The following CHSY3 variants were observed in gnomAD, a reference collection of about 807,000 sequenced individuals.
The protein encoded by CHSY3 is N-acetylgalactosaminyl-proteoglycan 3-beta-glucuronosyltransferase 3.
Under a neutral mutation model 67.2 loss-of-function variants are expected in CHSY3, and 35 were observed. That is an observed-to-expected ratio of 0.52 (90% CI 0.40 to 0.69). The LOEUF is 0.69. Among genes scored for constraint, CHSY3 ranks in the 30% least tolerant of loss-of-function variants. The pLI, the probability that CHSY3 is intolerant of heterozygous loss-of-function variation, is 0.00. For missense variants in CHSY3, 1,069 were observed against 1,138.5 expected, an observed-to-expected ratio of 0.94 and a Z score of 0.88; for synonymous variants, 474 against 434.7, an observed-to-expected ratio of 1.09 and a Z score of -1.12.
intron 2 of CHSY3, among the ~76,000 whole-genome samples, chr5:130,155,724 T>C (rs995673690): frequency 6.6e-6 from 1 of 152,210 alleles, no homozygotes; most frequent in Non-Finnish European, 1.5e-5. Flanking sequence ...GATCCTAAGC[T>C]GGACGAGTCG....
At chr5:130,035,988 T>C (rs917681078) in intron 2 of CHSY3, among the ~76,000 whole-genome samples, 1 of 150,074 alleles carries the variant, frequency 6.7e-6, no homozygotes, top group Admixed American at 6.7e-5. Context: ...TAAAAAGATG[T>C]ACATTCTAAA....
chr5:130,087,537 A>G (rs1766693575), intron 2 of CHSY3, among the ~76,000 whole-genome samples: 1 of 151,504 alleles, frequency 6.6e-6, no homozygotes, highest in Admixed American at 6.6e-5. Flanking sequence ...TACAAAATCA[A>G]TGTACAAAAA....
At chr5:129,955,355 A>T (rs2149603846) in intron 2 of CHSY3, among the ~76,000 whole-genome samples, 1 of 152,092 alleles carries the variant, frequency 6.6e-6, no homozygotes, top group African/African-American at 2.4e-5. Context: ...ACTCTCACCA[A>T]GTGATCTGCA....
intron 2 of CHSY3, among the ~76,000 whole-genome samples, chr5:130,111,418 A>G (rs1412204335): frequency 1.3e-5 from 2 of 152,102 alleles, no homozygotes; most frequent in Non-Finnish European, 2.9e-5. Context: ...CAGATTCATT[A>G]AAATCTAGCT....
chr5:129,977,864 G>T (rs1390441419), intron 2 of CHSY3, among the ~76,000 whole-genome samples: 2 of 102,290 alleles, frequency 2.0e-5, no homozygotes, highest in African/African-American at 6.5e-5. Flanking sequence ...ATAAATATAA[G>T]AAGTAAAAAA....
At chr5:130,162,803 G>T (rs1027632914) in intron 2 of CHSY3, among the ~76,000 whole-genome samples, 6 of 152,178 alleles carry the variant, frequency 3.9e-5, no homozygotes, top group African/African-American at 1.2e-4. Context: ...AATCTTGAAG[G>T]ATGGTAGAAA....
At chr5:130,178,250 TA>T (rs1389407732) in intron 2 of CHSY3, among the ~76,000 whole-genome samples, 1,952 of 76,164 alleles carry the variant, frequency 0.026, 23 homozygotes, top group Non-Finnish European at 0.032. Context: ...TATATATATA[TA>T]TATTTTTTTT....
intron 2 of CHSY3, chr5:130,002,083 A>G (rs1763742731): frequency 2.1e-6 from 2 of 951,588 alleles, no homozygotes; most frequent in African/African-American, 3.6e-5. Flanking sequence ...TGTTGCCTAT[A>G]AACAAAGGTG....
At chr5:129,916,940 C>G (rs190437340) in intron 2 of CHSY3, among the ~76,000 whole-genome samples, 1 of 152,180 alleles carries the variant, frequency 6.6e-6, no homozygotes, top group East Asian at 1.9e-4. Context: ...TGGTACCTCT[C>G]TCAGAACTAG....
intron 2 of CHSY3, among the ~76,000 whole-genome samples, chr5:130,014,243 G>T (rs541011878): frequency 6.6e-6 from 1 of 152,140 alleles, no homozygotes; most frequent in Non-Finnish European, 1.5e-5. Flanking sequence ...TCCAATGCCT[G>T]CTTGTTACCC....
chr5:130,004,080 T>C (rs1763807421), intron 2 of CHSY3, among the ~76,000 whole-genome samples: 1 of 152,224 alleles, frequency 6.6e-6, no homozygotes, highest in Admixed American at 6.5e-5. Context: ...ATTAGATATA[T>C]TTCAGGGTTT....
At chr5:130,014,951 A>G (rs1362576847) in intron 2 of CHSY3, among the ~76,000 whole-genome samples, 1 of 152,196 alleles carries the variant, frequency 6.6e-6, no homozygotes, top group Non-Finnish European at 1.5e-5. Context: ...TAATTTGCAA[A>G]CCATACATCT....
chr5:130,184,325 C>T lies in CHSY3; in HGVS notation c.1183C>T (p.Pro395Ser), dbSNP rs776038578. ...AATCCATGCAGCCATAACACTTCATCCCAACAAAAGGCCTGCATACCAATA... is the reference window on the plus strand; with the variant it reads ...AATCCATGCAGCCATAACACTTCATTCCAACAAAAGGCCTGCATACCAATA... ...SKIHAAITLH[P>S]NKRPAYQYRL... The change falls in exon 3 of 3, where the codon CCC (proline) becomes TCC (serine). Residue 395 changes from proline (P) to serine (S), a missense_variant. By Grantham distance (74) the Pro-to-Ser change is moderately conservative. Around this residue, in one of 5 missense-constraint regions of CHSY3, gnomAD observed 216 missense variants for 311.5 expected, o/e 0.69. Transcript: ENST00000305031. The T allele has an allele frequency of 6.2e-7, 1 of 1,614,092 alleles. No individual in the cohort carries two copies.
chr5:130,010,804 C>G (rs1012648846), intron 2 of CHSY3, among the ~76,000 whole-genome samples: 5 of 152,060 alleles, frequency 3.3e-5, no homozygotes, highest in African/African-American at 1.2e-4. Flanking sequence ...TTACCACCAA[C>G]CCACAGAAAC....
chr5:130,154,886 C>T (rs779537191), intron 2 of CHSY3, among the ~76,000 whole-genome samples: 1 of 152,162 alleles, frequency 6.6e-6, no homozygotes, highest in Non-Finnish European at 1.5e-5. Flanking sequence ...ACCACTAAAA[C>T]TTTAACTTGC....
At chr5:130,073,041 A>G (rs1450576794) in intron 2 of CHSY3, among the ~76,000 whole-genome samples, 2 of 152,180 alleles carry the variant, frequency 1.3e-5, no homozygotes, top group East Asian at 3.9e-4. Context: ...GGAACAATTC[A>G]GTTCAGTTAG....
Position 130,072,490 on chromosome 5 carries a change from G to A in CHSY3, c.1087-111739G>A, listed in dbSNP as rs866049884. On this transcript the variant is annotated intron_variant, in intron 2 of 2. Transcript: ENST00000305031. ...TAGTAAATACTTGGGTTTGTTTCTG[G>A]GCTTTCTATCCTCTTCCGTTGGTCA... Among the ~76,000 whole-genome samples, 5 of 152,058 alleles carry A rather than the reference G, an allele frequency of 3.3e-5. No homozygotes were observed. In the Middle Eastern group the frequency reaches 0.014, roughly 414 times the overall value.
chr5:129,930,504 C>G (rs1007482042), intron 2 of CHSY3, among the ~76,000 whole-genome samples: 5 of 89,446 alleles, frequency 5.6e-5, no homozygotes, highest in African/African-American at 1.7e-4. Flanking sequence ...GGAGGCATCA[C>G]TGGCGGGGGG....
chr5:130,166,393 C>T (rs1580794512), intron 2 of CHSY3, among the ~76,000 whole-genome samples: 1 of 152,136 alleles, frequency 6.6e-6, no homozygotes, highest in East Asian at 1.9e-4. Context: ...TTACCCTTTT[C>T]CGTTATGTAA....
Sources: allele counts gnomAD v4.1 joint callset (sites outside exome capture counted in the v4.1 genomes callset), GRCh38; gene constraint gnomAD v4.1.1; regional missense constraint gnomAD v4.1.1; transcripts MANE v1.5; gene names NCBI Gene and HGNC (gene_info 2026-07-23, HGNC 2026-07-21).